POC1B: variants seen among roughly 807,000 people sequenced by gnomAD.
POC1B encodes the protein POC1 centriolar protein B, also known as POC1 centriolar protein homolog B.
POC1B carries 44 observed loss-of-function variants against 60.6 expected under a neutral mutation model. The observed-to-expected ratio is 0.73, with a 90% confidence interval of 0.57 to 0.93. The LOEUF is 0.93. POC1B is among the 40% of genes least tolerant of loss of function. POC1B has a pLI of 0.00. For synonymous variants in POC1B, 180 were observed against 198.9 expected, an observed-to-expected ratio of 0.90 and a Z score of 0.80; for missense variants, 555 against 572.3, an observed-to-expected ratio of 0.97 and a Z score of 0.31.
At chr12:89,446,347 C>G (rs1881784807) in intron 10 of POC1B, among the ~76,000 whole-genome samples, 1 of 152,142 alleles carries the variant, frequency 6.6e-6, no homozygotes, top group Non-Finnish European at 1.5e-5. Context: ...AGACTTGGAA[C>G]CAACCCAAAT....
chr12:89,497,771 T>C (rs1363001955), intron 2 of POC1B, among the ~76,000 whole-genome samples: 1 of 152,198 alleles, frequency 6.6e-6, no homozygotes, highest in Non-Finnish European at 1.5e-5. Context: ...AAACTGTTTA[T>C]GTGGAAATAA....
chr12:89,420,910 CA>C lies in POC1B; in HGVS notation c.*242del. The C allele has an allele frequency of 5.8e-6, 2 of 346,534 alleles. No homozygotes were observed. The highest frequency in any genetic ancestry group is 9.8e-6 in the Non-Finnish European group (2 of 203,384). 21.5% of individuals were successfully genotyped at this position (346,534 alleles called of 1,614,324 possible). On this transcript the variant is annotated 3_prime_UTR_variant, in exon 12 of 12. Coordinates refer to ENST00000313546, the MANE Select transcript of POC1B (RefSeq NM_172240.3). ...AATACAGAGTTGCTTGAATGCTTAT[CA>C]CTTTATTACTGCAATCATAAATGAT...
chr12:89,420,697 T>C lies in POC1B; in HGVS notation c.*456A>G, dbSNP rs1392531536. Reference sequence around the variant, plus strand: ...TATTTTGAACAGAAAGACATACAACTAGTCAGATCAATAACTCATTATTGG... The same window carrying C: ...TATTTTGAACAGAAAGACATACAACCAGTCAGATCAATAACTCATTATTGG... On this transcript the variant is annotated 3_prime_UTR_variant, in exon 12 of 12. Transcript: ENST00000313546. The C allele has an allele frequency of 6.5e-6, 1 of 153,506 alleles. No homozygotes were observed. Among genetic ancestry groups the C allele is most frequent in the Non-Finnish European group, 1.5e-5 (1 of 68,906 alleles). 9.5% of individuals were successfully genotyped at this position (153,506 alleles called of 1,614,324 possible).
intron 3 of POC1B, among the ~76,000 whole-genome samples, chr12:89,494,224 T>C (rs1174214758): frequency 6.6e-6 from 1 of 152,090 alleles, no homozygotes; most frequent in Non-Finnish European, 1.5e-5. Context: ...TTTTTATTTT[T>C]ATTTTTTATA....
chr12:89,412,517 A>G, the POC1B span, among the ~76,000 whole-genome samples: 1 of 151,800 alleles, frequency 6.6e-6, no homozygotes, highest in South Asian at 2.1e-4. Context: ...CGTCTCTACT[A>G]AAAACACAAA....
chr12:89,408,400 T>C, the POC1B span, among the ~76,000 whole-genome samples: 1 of 152,152 alleles, frequency 6.6e-6, no homozygotes, highest in Non-Finnish European at 1.5e-5. Context: ...CCACAATGGC[T>C]GAACTAATTT....
At chr12:89,458,111 A>G (rs949470466) in intron 10 of POC1B, among the ~76,000 whole-genome samples, 2 of 152,158 alleles carry the variant, frequency 1.3e-5, no homozygotes, top group African/African-American at 2.4e-5. Flanking sequence ...TGGACCAAAG[A>G]TTTTTAATGA....
At chr12:89,445,603 A>G (rs1478174624) in intron 10 of POC1B, among the ~76,000 whole-genome samples, 1 of 152,250 alleles carries the variant, frequency 6.6e-6, no homozygotes, top group Non-Finnish European at 1.5e-5. Flanking sequence ...TACAAAAATT[A>G]ATTCAAGATG....
At chr12:89,441,072 C>T (rs902443587) in intron 10 of POC1B, among the ~76,000 whole-genome samples, 5 of 152,306 alleles carry the variant, frequency 3.3e-5, no homozygotes, top group African/African-American at 4.8e-5. Flanking sequence ...GGGGGAGGGG[C>T]GTCTGCCATT....
chr12:89,431,524 G>C (rs1881030739), intron 10 of POC1B, among the ~76,000 whole-genome samples: 1 of 151,962 alleles, frequency 6.6e-6, no homozygotes, highest in African/African-American at 2.4e-5. Context: ...AACAAAAAAA[G>C]CCTTTTGCCT....
At chr12:89,515,769 C>G (rs373531590) in intron 2 of POC1B, among the ~76,000 whole-genome samples, 3 of 152,182 alleles carry the variant, frequency 2.0e-5, no homozygotes, top group East Asian at 1.9e-4. Context: ...CCATCCCATC[C>G]AGAACTCCAA....
At chr12:89,513,460 G>A (rs1870285406) in intron 2 of POC1B, among the ~76,000 whole-genome samples, 1 of 152,118 alleles carries the variant, frequency 6.6e-6, no homozygotes, top group Non-Finnish European at 1.5e-5. Context: ...AGAGGGGGAA[G>A]TAACAACTTC....
At chr12:89,467,019 A>G (rs1882712552) in intron 8 of POC1B, 97 bp from the exon 9 acceptor site, 4 of 941,260 alleles carry the variant, frequency 4.2e-6, no homozygotes, top group Non-Finnish European at 1.5e-6. Flanking sequence ...TGTCTCCCAA[A>G]GTAGGAAGGG....
intron 2 of POC1B, among the ~76,000 whole-genome samples, chr12:89,509,195 AT>A (rs1870052711): frequency 6.6e-6 from 1 of 152,144 alleles, no homozygotes; most frequent in Non-Finnish European, 1.5e-5. Flanking sequence ...CTGTTTACTC[AT>A]TTACTTATTT....
chr12:89,499,327 C>A (rs756575350), intron 2 of POC1B, among the ~76,000 whole-genome samples: 2 of 152,062 alleles, frequency 1.3e-5, no homozygotes, highest in Admixed American at 1.3e-4. Flanking sequence ...AAGATGGCAA[C>A]AATAGCCACT....
At chr12:89,412,807 GTTCC>G in the POC1B span, among the ~76,000 whole-genome samples, 16,502 of 127,454 alleles carry the variant, frequency 0.13, 1,314 homozygotes, top group Middle Eastern at 0.19. Context: ...AGAAACACAT[GTTCC>G]TTCCTTCCTT....
intron 2 of POC1B, chr12:89,502,645 T>C (rs1190443310): frequency 2.3e-6 from 3 of 1,329,398 alleles, no homozygotes; most frequent in African/African-American, 1.5e-5. Context: ...GGCCACAAGA[T>C]ACATATCAAT....
chr12:89,496,997 T>C, intron 3 of POC1B, 174 bp downstream of exon 3: 2 of 681,846 alleles, frequency 2.9e-6, no homozygotes, highest in Non-Finnish European at 4.8e-6. Context: ...AAAGAAGACA[T>C]AATTTTGAGG....
chr12:89,439,338 C>T (rs1482349601), intron 10 of POC1B, among the ~76,000 whole-genome samples: 1 of 152,208 alleles, frequency 6.6e-6, no homozygotes, highest in Non-Finnish European at 1.5e-5. Flanking sequence ...CCCCCACAGA[C>T]ACAGCCTTTG....
Sources: gnomAD v4.1 joint callset for allele counts (sites outside exome capture counted in the v4.1 genomes callset) on GRCh38, gnomAD v4.1.1 for gene constraint, MANE v1.5 for transcripts, NCBI Gene and HGNC (gene_info 2026-07-23, HGNC 2026-07-21) for gene names.